IDH1: variants seen among roughly 807,000 people sequenced by gnomAD.
IDH1 encodes the protein isocitrate dehydrogenase (NADP(+)) 1.
IDH1 carries 33 observed loss-of-function variants against 46.1 expected under a neutral mutation model. That is an observed-to-expected ratio of 0.72 (90% CI 0.54 to 0.96). IDH1 has a LOEUF of 0.96. IDH1 is among the 40% of genes least tolerant of loss of function. IDH1 has a pLI of 0.00. For missense variants in IDH1, 421 were observed against 515.7 expected (o/e 0.82, Z 1.78); for synonymous variants, 144 against 172.8 (o/e 0.83, Z 1.31).
At chr2:208,245,784 C>CA (rs1688009292) in intron 4 of IDH1, among the ~76,000 whole-genome samples, 2 of 39,346 alleles carry the variant, frequency 5.1e-5, no homozygotes, top group Admixed American at 3.1e-4. Context: ...ATTAGACCCC[C>CA]CCCCCAAAAA....
At chr2:208,248,206 A>G in intron 4 of IDH1, 163 bp downstream of exon 4, 3 of 641,884 alleles carry the variant, frequency 4.7e-6, no homozygotes, top group Non-Finnish European at 8.2e-6. Context: ...CTTTAGCTAA[A>G]TGTGTGTAAA....
chr2:208,254,407 G>T (rs560626062), intron 1 of IDH1: 1 of 152,140 alleles, frequency 6.6e-6, no homozygotes, highest in Admixed American at 6.5e-5. Flanking sequence ...CGCCCCGTGT[G>T]GCCTAGCGAC....
chr2:208,244,650 G>A (rs756253737), intron 5 of IDH1, among the ~76,000 whole-genome samples: 68 of 152,302 alleles, frequency 4.5e-4, no homozygotes, highest in Non-Finnish European at 7.8e-4. Context: ...GAAAGGTGCT[G>A]AAGCCTGCAG....
rs762089749 is a variant in IDH1 at position 208,243,517 on chromosome 2, T to C, written c.608A>G (p.Lys203Arg). 1.9e-6 allele frequency: 3 copies of C among 1,613,742 alleles called. No individual in the cohort carries two copies. Among genetic ancestry groups the C allele is most frequent in the African/African-American group, 2.7e-5 (2 of 74,940 alleles). The change falls in exon 6 of 10, where the codon AAG (lysine) becomes AGG (arginine). Residue 203 changes from lysine to arginine, a missense_variant. By Grantham distance (26) the Lys-to-Arg change is conservative. Coordinates refer to ENST00000345146, the MANE Select transcript of IDH1 (RefSeq NM_005896.4). Reference protein sequence around the residue: ...AHSSFQMALSKGWPLYLSTKN... With the variant: ...AHSSFQMALSRGWPLYLSTKN... ...GGTGCTCAGATACAAAGGCCAACCCTTAGACAGAGCCATTTGGAAGGAACT... is the reference window on the plus strand; with the variant it reads ...GGTGCTCAGATACAAAGGCCAACCCCTAGACAGAGCCATTTGGAAGGAACT...
intron 1 of IDH1, chr2:208,254,291 C>T (rs1014210110): frequency 6.5e-6 from 1 of 153,178 alleles, no homozygotes; most frequent in African/African-American, 2.4e-5. Flanking sequence ...GTACCTCCTT[C>T]CAGGTCTCCA....
At chr2:208,254,417 C>T (rs961592737) in intron 1 of IDH1, 2 of 152,250 alleles carry the variant, frequency 1.3e-5, no homozygotes, top group African/African-American at 4.8e-5. Context: ...GGCCTAGCGA[C>T]CCCTCTGAAG....
At chr2:208,245,784 C>CCCG (rs2124858828) in intron 4 of IDH1, among the ~76,000 whole-genome samples, 1 of 39,434 alleles carries the variant, frequency 2.5e-5, no homozygotes, top group African/African-American at 5.9e-5. Flanking sequence ...ATTAGACCCC[C>CCCG]CCCCCAAAAA....
At chr2:208,242,596 C>T (rs1189030471) in intron 6 of IDH1, among the ~76,000 whole-genome samples, 1 of 152,108 alleles carries the variant, frequency 6.6e-6, no homozygotes, top group Non-Finnish European at 1.5e-5. Flanking sequence ...AATCAAAATG[C>T]CTCAGGAACA....
chr2:208,254,137 G>A (rs1688171034), intron 1 of IDH1, 178 bp from the exon 2 acceptor site: 1 of 152,394 alleles, frequency 6.6e-6, no homozygotes, highest in Admixed American at 6.5e-5. Context: ...AAGGTCATGG[G>A]AGCACAATTT....
Position 208,248,519 on chromosome 2 carries a change from C to T in IDH1, c.264G>A (p.Leu88=), listed in dbSNP as rs758622511. The T allele has an allele frequency of 6.2e-7, 1 of 1,614,046 alleles. No homozygotes were observed. The highest frequency in any genetic ancestry group is 8.5e-7 in the Non-Finnish European group (1 of 1,180,040). The part of the protein sequence containing the change: ...PDEKRVEEFK[L]KQMWKSPNGT... ...CATTTGGTGATTTCCACATTTGTTT[C>T]AACTTGAACTCCTCAACCCTCTTCT... The change falls in exon 4 of 10, where the codon TTG becomes TTA. Residue 88 remains leucine, a synonymous_variant. Coordinates refer to ENST00000345146, the MANE Select transcript of IDH1 (RefSeq NM_005896.4).
chr2:208,245,801 A>G (rs1377330872), intron 4 of IDH1, among the ~76,000 whole-genome samples: 1 of 135,486 alleles, frequency 7.4e-6, no homozygotes, highest in Non-Finnish European at 1.6e-5. Flanking sequence ...AAAAAAAAAA[A>G]ACTATAGGAT....
At chr2:208,241,932 C>T in intron 7 of IDH1, 62 bp downstream of exon 7, 1 of 1,567,178 alleles carries the variant, frequency 6.4e-7, no homozygotes, top group Non-Finnish European at 8.8e-7. Context: ...AACTCCCCTT[C>T]CCAAATTAGA....
At chr2:208,251,692 T>G in intron 2 of IDH1, 125 bp from the exon 3 acceptor site, 1 of 720,206 alleles carries the variant, frequency 1.4e-6, no homozygotes. Context: ...CAATTCAATT[T>G]ATGTGTAGTT....
intron 8 of IDH1, 106 bp downstream of exon 8, chr2:208,239,757 A>G: frequency 9.8e-7 from 1 of 1,022,348 alleles, no homozygotes; most frequent in South Asian, 1.3e-5. Context: ...CAAATCAGCT[A>G]CTTGGTGATG....
At chr2:208,243,371 T>C in intron 6 of IDH1, 56 bp downstream of exon 6, 1 of 1,294,106 alleles carries the variant, frequency 7.7e-7, no homozygotes, top group South Asian at 1.2e-5. Flanking sequence ...ATACTCTATA[T>C]GCAAATGTCA....
chr2:208,245,792 A>C (rs867701152), intron 4 of IDH1, among the ~76,000 whole-genome samples: 1,220 of 70,898 alleles, frequency 0.017, 37 homozygotes, highest in African/African-American at 0.053. Flanking sequence ...CCCCCCCCAA[A>C]AAAAAAAAAA....
chr2:208,239,826 A>G (rs759352410), intron 8 of IDH1, 37 bp downstream of exon 8: 72 of 1,611,680 alleles, frequency 4.5e-5, no homozygotes, highest in Admixed American at 1.8e-4. Context: ...TTTGGAGAGC[A>G]CTCTCTGGTG....
At chr2:208,254,326 C>G (rs1045418923) in intron 1 of IDH1, 4 of 153,614 alleles carry the variant, frequency 2.6e-5, no homozygotes, top group African/African-American at 9.6e-5. Context: ...CTCCCCTCCC[C>G]TCGCTGGTGC....
At chr2:208,244,024 T>C (rs188887992) in intron 5 of IDH1, among the ~76,000 whole-genome samples, 101 of 152,342 alleles carry the variant, frequency 6.6e-4, no homozygotes, top group Non-Finnish European at 1.1e-3. Context: ...TGGGGCCCAG[T>C]GGGAGGAGAT....
Sources: allele counts gnomAD v4.1 joint callset (sites outside exome capture counted in the v4.1 genomes callset), GRCh38; gene constraint gnomAD v4.1.1; transcripts MANE v1.5; gene names NCBI Gene and HGNC (gene_info 2026-07-23, HGNC 2026-07-21).